The following GOLGA4 variants were observed in gnomAD, a reference collection of about 807,000 sequenced individuals.
The protein encoded by GOLGA4 is golgin subfamily A member 4.
GOLGA4 carries 169 observed loss-of-function variants against 265.9 expected under a neutral mutation model. The observed-to-expected ratio is 0.64, with a 90% CI of 0.56 to 0.72. The LOEUF is 0.72. GOLGA4 is among the 30% of genes least tolerant of loss of function. The pLI is 0.00. For missense variants in GOLGA4, 2,482 were observed against 2,483.4 expected (o/e 1.00, Z 0.01); for synonymous variants, 923 against 855.8 (o/e 1.08, Z -1.37).
intron 16 of GOLGA4, 65 bp from the exon 17 acceptor site, chr3:37,334,988 T>G: frequency 1.1e-6 from 1 of 946,966 alleles, no homozygotes; most frequent in Non-Finnish European, 1.6e-6. Flanking sequence ...GCTTTTTTGA[T>G]GTGTTTGTTT....
chr3:37,288,869 TAA>T (rs777081965), intron 4 of GOLGA4, among the ~76,000 whole-genome samples: 3 of 152,256 alleles, frequency 2.0e-5, no homozygotes, highest in South Asian at 4.1e-4. Context: ...CCACACATTA[TAA>T]GTTTCAATGA....
At chr3:37,275,245 AAAAAAAACCCC>A (rs1169356628) in intron 2 of GOLGA4, among the ~76,000 whole-genome samples, 1 of 151,274 alleles carries the variant, frequency 6.6e-6, no homozygotes, top group Non-Finnish European at 1.5e-5. Context: ...AAAAAAAGAA[AAAAAAAACCCC>A]AAAAAAACAA....
chr3:37,347,067 A>G (rs914013371), intron 20 of GOLGA4, 126 bp from the exon 21 acceptor site: 8 of 584,928 alleles, frequency 1.4e-5, no homozygotes, highest in African/African-American at 7.0e-5. Context: ...ATACAATGCA[A>G]TATGATACAA....
intron 16 of GOLGA4, 44 bp from the exon 17 acceptor site, chr3:37,335,009 C>CTTT: frequency 1.6e-6 from 2 of 1,220,948 alleles, no homozygotes; most frequent in African/African-American, 1.5e-5. Context: ...ACTAATGCTT[C>CTTT]TTTTTTTTCT....
intron 10 of GOLGA4, among the ~76,000 whole-genome samples, chr3:37,309,774 A>G (rs1219680216): frequency 6.6e-6 from 1 of 152,194 alleles, no homozygotes; most frequent in Non-Finnish European, 1.5e-5. Flanking sequence ...GTTGTGATGT[A>G]TTATTTTGGT....
At chr3:37,246,457 T>A (rs1413257408) in intron 1 of GOLGA4, among the ~76,000 whole-genome samples, 2 of 152,246 alleles carry the variant, frequency 1.3e-5, no homozygotes, top group Non-Finnish European at 2.9e-5. Context: ...ACAAATATTT[T>A]AAAACATTTT....
At position 37,325,951 on chromosome 3, in the gene GOLGA4, C is replaced by CA; in HGVS notation, c.4066dup (p.Thr1356AsnfsTer8). 1 of 1,601,728 alleles carries CA rather than the reference C, an allele frequency of 6.2e-7. No individual in the cohort carries two copies. On this transcript the variant is annotated frameshift_variant, in exon 14 of 24. Coordinates refer to ENST00000361924, the MANE Select transcript of GOLGA4 (RefSeq NM_002078.5). LOFTEE classifies it high-confidence loss of function. Reference sequence around the variant, plus strand: ...AGTTATCTGAAAACATCAATGCTGTCACATTGATGAAAGAAGAGCTTAAAG... The same window carrying CA: ...AGTTATCTGAAAACATCAATGCTGTCAACATTGATGAAAGAAGAGCTTAAAG...
chr3:37,334,976 G>A, intron 16 of GOLGA4, 77 bp from the exon 17 acceptor site: 1 of 788,816 alleles, frequency 1.3e-6, no homozygotes, highest in Non-Finnish European at 2.1e-6. Context: ...CCTCTCCAGA[G>A]TGCTTTTTTG....
intron 10 of GOLGA4, among the ~76,000 whole-genome samples, chr3:37,311,999 T>C (rs1420057868): frequency 6.6e-6 from 1 of 152,244 alleles, no homozygotes; most frequent in Non-Finnish European, 1.5e-5. Context: ...GAAAATTCAC[T>C]AGTATTGACT....
At chr3:37,359,065 AAAATGCACATACC>A (rs1238423672) in intron 22 of GOLGA4, among the ~76,000 whole-genome samples, 10 of 152,358 alleles carry the variant, frequency 6.6e-5, no homozygotes, top group Non-Finnish European at 1.5e-4. Flanking sequence ...AAGTTAAAAC[AAAATGCACATACC>A]AAATGCACAT....
chr3:37,254,878 A>G (rs1399381206), intron 2 of GOLGA4, among the ~76,000 whole-genome samples: 1 of 148,064 alleles, frequency 6.8e-6, no homozygotes, highest in African/African-American at 2.5e-5. Context: ...ATTATATATA[A>G]TATACATTAT....
intron 19 of GOLGA4, 33 bp downstream of exon 19, chr3:37,337,767 C>T (rs1032171484): frequency 8.6e-6 from 12 of 1,402,878 alleles, no homozygotes; most frequent in Non-Finnish European, 1.2e-5. Context: ...TTATTTTGAA[C>T]TAAAGTTTCG....
At chr3:37,320,153 G>A (rs1488104079) in intron 12 of GOLGA4, 3 of 128,738 alleles carry the variant, frequency 2.3e-5, no homozygotes, top group Non-Finnish European at 5.4e-5. Flanking sequence ...CAACCAGAAA[G>A]CAGATTGAGA....
chr3:37,325,908 T>TTAC lies in GOLGA4; in HGVS notation c.4022_4023insTAC (p.Thr1342dup). 6.2e-7 allele frequency: 1 copy of TTAC among 1,613,510 alleles called. No individual in the cohort carries two copies. The highest frequency in any genetic ancestry group is 1.1e-5 in the South Asian group (1 of 91,024). ...GCTGCTTCTGAAAAGGAGTCTTGTA[T>TTAC]AACACAGTTGAAGAAAGAGTTATCT... On this transcript the variant is annotated inframe_insertion, in exon 14 of 24. Coordinates refer to ENST00000361924, the MANE Select transcript of GOLGA4 (RefSeq NM_002078.5).
At chr3:37,274,117 G>T in intron 2 of GOLGA4, among the ~76,000 whole-genome samples, 2 of 129,834 alleles carry the variant, frequency 1.5e-5, no homozygotes, top group Admixed American at 7.6e-5. Flanking sequence ...AAAAAAAAAA[G>T]ATAATAATAA....
At position 37,282,167 on chromosome 3, in the gene GOLGA4, T is replaced by A; in HGVS notation, c.372T>A (p.Ala124=). ...FDPPSDMDSE[A]EDLVGNSDSL... is the part of the protein sequence containing the mutation. ...CACCCTCTGATATGGATAGCGAGGCTGAAGACTTGGTAGGGAATTCAGACA... is the reference window on the plus strand; with the variant it reads ...CACCCTCTGATATGGATAGCGAGGCAGAAGACTTGGTAGGGAATTCAGACA... The change falls in exon 3 of 24, where the codon GCT becomes GCA. Residue 124 remains alanine (A), a synonymous_variant. Coordinates refer to ENST00000361924, the MANE Select transcript of GOLGA4 (RefSeq NM_002078.5). The A allele has an allele frequency of 6.2e-7, 1 of 1,614,206 alleles. No individual in the cohort carries two copies. Among genetic ancestry groups the A allele is most frequent in the Non-Finnish European group, 8.5e-7 (1 of 1,179,992 alleles).
intron 9 of GOLGA4, among the ~76,000 whole-genome samples, chr3:37,301,600 T>C (rs1239563804): frequency 6.6e-6 from 1 of 152,218 alleles, no homozygotes; most frequent in African/African-American, 2.4e-5. Context: ...ATAAAATAAA[T>C]CTTTTAAGTA....
At chr3:37,288,636 C>A (rs2096856723) in intron 4 of GOLGA4, among the ~76,000 whole-genome samples, 1 of 151,878 alleles carries the variant, frequency 6.6e-6, no homozygotes, top group Non-Finnish European at 1.5e-5. Flanking sequence ...GCCACCACGC[C>A]TGGCTGATTT....
rs369257486 is a variant in GOLGA4 at position 37,343,382 on chromosome 3, A to C, written c.6472+3183A>C. Among the ~76,000 whole-genome samples the C allele has an allele frequency of 9.2e-5, 14 of 152,144 alleles. No individual in the cohort carries two copies. The South Asian group carries it at 2.3e-3, about 25-fold the overall frequency. On this transcript the variant is annotated intron_variant, in intron 20 of 23. Transcript: ENST00000361924. ...GTGATCCGCCTGCCTCGGCCTCCCA[A>C]AGTGCTGGGATTACAGACGTGAGCC... is the stretch of plus-strand genomic sequence containing the variant.
Sources: gnomAD v4.1 joint callset for allele counts (sites outside exome capture counted in the v4.1 genomes callset) on GRCh38, gnomAD v4.1.1 for gene constraint, MANE v1.5 for transcripts, NCBI Gene and HGNC (gene_info 2026-07-23, HGNC 2026-07-21) for gene names.